The following GFPT1 variants were observed in gnomAD, a reference collection of about 807,000 sequenced individuals.
GFPT1 encodes the protein glutamine--fructose-6-phosphate transaminase 1, also known as glutamine--fructose-6-phosphate aminotransferase [isomerizing] 1.
A neutral mutation model predicts 92.0 loss-of-function variants in GFPT1; 40 were observed. The observed-to-expected ratio is 0.43, with a 90% confidence interval of 0.34 to 0.57. GFPT1 has a LOEUF of 0.57. Ranked by LOEUF, GFPT1 falls within the 20% of genes least tolerant of loss-of-function variation. GFPT1 has a pLI of 0.02. For missense variants in GFPT1, 448 were observed against 869.1 expected, an observed-to-expected ratio of 0.52 and a Z score of 6.09; for synonymous variants, 269 against 280.6, an observed-to-expected ratio of 0.96 and a Z score of 0.41.
At chr2:69,339,187 T>C (rs1443910960) in intron 13 of GFPT1, among the ~76,000 whole-genome samples, 2 of 152,206 alleles carry the variant, frequency 1.3e-5, no homozygotes, top group East Asian at 3.8e-4. Context: ...AACCTCCCAA[T>C]TCCTAATCTT....
intron 1 of GFPT1, among the ~76,000 whole-genome samples, chr2:69,382,982 A>C (rs982839757): frequency 3.3e-5 from 5 of 152,220 alleles, no homozygotes; most frequent in Non-Finnish European, 7.3e-5. Context: ...AATTTCTTGA[A>C]GGCAACTCTC....
At chr2:69,379,918 T>C (rs1671967059) in intron 1 of GFPT1, among the ~76,000 whole-genome samples, 1 of 151,722 alleles carries the variant, frequency 6.6e-6, no homozygotes, top group Non-Finnish European at 1.5e-5. Context: ...GAGGTCTTAC[T>C]ACATTGCCCA....
chr2:69,349,369 C>T (rs765993836), intron 10 of GFPT1, among the ~76,000 whole-genome samples: 6 of 152,144 alleles, frequency 3.9e-5, no homozygotes, highest in African/African-American at 1.4e-4. Flanking sequence ...CACATCTTAG[C>T]CCTGACTACA....
chr2:69,372,428 G>C lies in GFPT1; in HGVS notation c.115+1578C>G, dbSNP rs1390481042. On this transcript the variant is annotated intron_variant, in intron 2 of 19. Transcript: ENST00000357308. ...CTACTAAAAATACAAAAATTAGCCA[G>C]GCGTGGTGGTGCATGCCTGTTATCC... is the stretch of plus-strand genomic sequence containing the variant. Among the ~76,000 whole-genome samples, 3 of 152,208 alleles carry C rather than the reference G, an allele frequency of 2.0e-5. No individual in the cohort carries two copies. The East Asian group carries it at 5.8e-4, about 29-fold the overall frequency.
chr2:69,335,902 T>C (rs1464235823), intron 15 of GFPT1, among the ~76,000 whole-genome samples: 2 of 151,808 alleles, frequency 1.3e-5, no homozygotes, highest in African/African-American at 4.8e-5. Flanking sequence ...GGCCTGTACC[T>C]GTAGTCCCAG....
At chr2:69,386,885 C>G (rs1672141456) in intron 1 of GFPT1, among the ~76,000 whole-genome samples, 180 bp downstream of exon 1, 1 of 152,200 alleles carries the variant, frequency 6.6e-6, no homozygotes, top group African/African-American at 2.4e-5. Flanking sequence ...CCGCCACCCC[C>G]TCTCCCGCCC....
At chr2:69,363,067 G>A (rs1671514885) in intron 4 of GFPT1, among the ~76,000 whole-genome samples, 1 of 151,992 alleles carries the variant, frequency 6.6e-6, no homozygotes, top group Non-Finnish European at 1.5e-5. Context: ...TCAACACAGT[G>A]AAACCCCGTC....
chr2:69,362,712 G>C (rs1671505268), intron 4 of GFPT1, among the ~76,000 whole-genome samples: 1 of 151,938 alleles, frequency 6.6e-6, no homozygotes, highest in African/African-American at 2.4e-5. Context: ...CAGGAGAATT[G>C]CTTGAACCTG....
intron 9 of GFPT1, among the ~76,000 whole-genome samples, chr2:69,351,904 T>C (rs764860787): frequency 9.9e-5 from 15 of 152,212 alleles, no homozygotes; most frequent in Non-Finnish European, 1.6e-4. Context: ...TGGTGGTACT[T>C]ATGCAATTTC....
chr2:69,380,602 GA>G (rs1348564486), intron 1 of GFPT1, among the ~76,000 whole-genome samples: 4 of 151,740 alleles, frequency 2.6e-5, no homozygotes, highest in Admixed American at 1.3e-4. Flanking sequence ...TCTTTCTTGA[GA>G]AAAAAAAGCA....
chr2:69,373,303 T>C (rs56294356), intron 2 of GFPT1, among the ~76,000 whole-genome samples: 9,191 of 152,098 alleles, frequency 0.06, 837 homozygotes, highest in African/African-American at 0.2. Flanking sequence ...TGCCAGAAAG[T>C]TATGTTTATG....
chr2:69,333,759 G>C (rs1197313927), intron 15 of GFPT1, among the ~76,000 whole-genome samples: 1 of 152,166 alleles, frequency 6.6e-6, no homozygotes, highest in Admixed American at 6.5e-5. Context: ...AACTCAGTAA[G>C]ATCCCTCTAA....
At chr2:69,375,156 C>T (rs1002784287) in intron 1 of GFPT1, among the ~76,000 whole-genome samples, 1 of 152,204 alleles carries the variant, frequency 6.6e-6, no homozygotes, top group Non-Finnish European at 1.5e-5. Context: ...TTTTCCATGG[C>T]TGTGCTTTGG....
Position 69,321,057 on chromosome 2 carries a change from CTT to C in GFPT1, c.*5130_*5131del, listed in dbSNP as rs1670392259. The stretch of plus-strand genomic sequence containing the variant: ...TCATAAAAGGATTCTGTAAGGGAAA[CTT>C]TGCTCTATAATTAACAGAGAGCCAG... On this transcript the variant is annotated 3_prime_UTR_variant, in exon 20 of 20. Coordinates refer to ENST00000357308, the MANE Select transcript of GFPT1 (RefSeq NM_001244710.2). 2 of 152,224 alleles carry C rather than the reference CTT, an allele frequency of 1.3e-5. No individual in the cohort carries two copies. The highest frequency in any genetic ancestry group is 4.1e-4 in the South Asian group (2 of 4,836). 9.4% of individuals were successfully genotyped at this position (152,224 alleles called of 1,614,324 possible).
At chr2:69,333,612 T>A (rs529575603) in intron 15 of GFPT1, among the ~76,000 whole-genome samples, 71 of 152,346 alleles carry the variant, frequency 4.7e-4, no homozygotes, top group African/African-American at 1.6e-3. Flanking sequence ...CATTTTTATT[T>A]TTTTAAATCA....
rs1672144179 is a variant in GFPT1 at position 69,386,998 on chromosome 2, C to T, written c.7+67G>A. 3.9e-6 allele frequency: 5 copies of T among 1,279,934 alleles called. No individual in the cohort carries two copies. The Admixed American group carries it at 9.9e-5, about 25-fold the overall frequency. The allele number at this position is 1,279,934 out of a possible 1,614,324, so 79.3% of individuals were successfully genotyped here. On this transcript the variant is annotated intron_variant, in intron 1 of 19. Transcript: ENST00000357308. The stretch of plus-strand genomic sequence containing the variant: ...CCCGCTTCCGCCCGTCGCCTTGGGC[C>T]TTAGCGGCACCCGCACCGCACCCCA...
In GFPT1 at chr2:69,359,296, G is replaced by A; in HGVS notation, c.380C>T (p.Thr127Ile). Residue 127 changes from threonine (T) to isoleucine (I), a missense_variant, in exon 5 of 20, where the codon ACC (threonine) becomes ATC (isoleucine). Coordinates refer to ENST00000357308, the MANE Select transcript of GFPT1 (RefSeq NM_001244710.2). The stretch of plus-strand genomic sequence containing the variant: ...AAACTTTTTCAAGTCTTTGTAGTTG[G>A]TGATGATTCCATTGTGAATAACGAT... ...EFIVIHNGII[T>I]NYKDLKKFLE... 6.3e-7 allele frequency: 1 copy of A among 1,584,208 alleles called. No homozygotes were observed. The highest frequency in any genetic ancestry group is 8.7e-7 in the Non-Finnish European group (1 of 1,153,898).
chr2:69,378,523 C>T (rs1671934614), intron 1 of GFPT1, among the ~76,000 whole-genome samples: 1 of 152,160 alleles, frequency 6.6e-6, no homozygotes, highest in African/African-American at 2.4e-5. Flanking sequence ...ATGCTTGAAC[C>T]TACAGGCATC....
chr2:69,336,735 G>A (rs1419428560), intron 15 of GFPT1, among the ~76,000 whole-genome samples: 1 of 151,468 alleles, frequency 6.6e-6, no homozygotes, highest in Non-Finnish European at 1.5e-5. Context: ...GCTGCAGGGA[G>A]CTATGATTCC....
Sources: allele counts gnomAD v4.1 joint callset (sites outside exome capture counted in the v4.1 genomes callset), GRCh38; gene constraint gnomAD v4.1.1; transcripts MANE v1.5; gene names NCBI Gene and HGNC (gene_info 2026-07-23, HGNC 2026-07-21).